PYCR3: variants seen among roughly 807,000 people sequenced by gnomAD.
The protein encoded by PYCR3 is pyrroline-5-carboxylate reductase 3, also known as P5C reductase 3.
Under a neutral mutation model 23.4 loss-of-function variants are expected in PYCR3, and 26 were observed. That is an observed-to-expected ratio of 1.11 (90% CI 0.81 to 1.54). The LOEUF is 1.54. Ranked by LOEUF, PYCR3 falls within the 40% of genes most tolerant of loss-of-function variation. PYCR3 has a pLI of 0.00. For missense variants in PYCR3, 360 were observed against 376.3 expected (o/e 0.96, Z 0.36); for synonymous variants, 194 against 162.6 (o/e 1.19, Z -1.47).
At chr8:143,606,404 G>T in intron 4 of PYCR3, 63 bp downstream of exon 4, 1 of 1,553,000 alleles carries the variant, frequency 6.4e-7, no homozygotes, top group Non-Finnish European at 8.9e-7. Flanking sequence ...GGCTGTCAGA[G>T]GGACTGGGGT....
At position 143,605,022 on chromosome 8, in the gene PYCR3, C is replaced by T. The variant is rs976397976; in HGVS notation, c.*678G>A. The T allele has an allele frequency of 4.4e-6, 2 of 450,146 alleles. No homozygotes were observed. Among genetic ancestry groups the T allele is most frequent in the Non-Finnish European group, 8.9e-6 (2 of 224,996 alleles). 27.9% of individuals were successfully genotyped at this position (450,146 alleles called of 1,614,324 possible). A position where few individuals can be genotyped will look rare whatever the true frequency, so the allele number is the denominator to read the frequency against. Reference sequence around the variant, plus strand: ...CCCAGACCTCAAGCCACCCCACCTACCACTGCCCACCTGGTGCCACCCCAG... The same window carrying T: ...CCCAGACCTCAAGCCACCCCACCTATCACTGCCCACCTGGTGCCACCCCAG... On this transcript the variant is annotated 3_prime_UTR_variant, in exon 6 of 6. Coordinates refer to ENST00000495276, the MANE Select transcript of PYCR3 (RefSeq NM_023078.6).
chr8:143,608,112 G>A lies in PYCR3; in HGVS notation c.106C>T (p.Gln36Ter). 2 of 1,613,748 alleles carry A rather than the reference G, an allele frequency of 1.2e-6. No homozygotes were observed. The highest frequency in any genetic ancestry group is 1.7e-6 in the Non-Finnish European group (2 of 1,179,740). Reference protein sequence around the residue: ...GLIRAGKVEAQHILASAPTDR... With the variant: ...GLIRAGKVEA The stretch of plus-strand genomic sequence containing the variant: ...GTTGGTGCACTGGCCAGTATGTGCT[G>A]AGCTTCCACTTTTCCTGGAAAGAAA... Residue 36 changes from glutamine (Q) to a stop codon, truncating the protein, a stop_gained, in exon 2 of 6, where the codon CAG becomes TAG. Coordinates refer to ENST00000495276, the MANE Select transcript of PYCR3 (RefSeq NM_023078.6). LOFTEE classifies it high-confidence loss of function.
intron 1 of PYCR3, among the ~76,000 whole-genome samples, chr8:143,609,092 C>A (rs376382468): frequency 6.6e-6 from 1 of 152,250 alleles, no homozygotes; most frequent in Non-Finnish European, 1.5e-5. Context: ...GGGGGTGCTG[C>A]TGGCACAGGA....
chr8:143,603,705 G>A lies in PYCR3; in HGVS notation c.*1995C>T, dbSNP rs1195140047. ...AGGCTCCCAGGCCTGCCCAGGCTTG[G>A]CATACAGTCCCCTGGGGTGACAGCG... is the stretch of plus-strand genomic sequence containing the variant. On this transcript the variant is annotated 3_prime_UTR_variant, in exon 6 of 6. Coordinates refer to ENST00000495276, the MANE Select transcript of PYCR3 (RefSeq NM_023078.6). 1.3e-5 allele frequency among the ~76,000 whole-genome samples: 2 copies of A among 152,192 alleles called. No homozygotes were observed. The highest frequency in any genetic ancestry group is 2.9e-5 in the Non-Finnish European group (2 of 68,020).
rs775581406 is a variant in PYCR3 at position 143,607,139 on chromosome 8, CA to C, written c.157-8del. ...TGGTCCGGCAACCCAGAGCCTGCGCCAGGGACACCAGGACCAAGCCTCAGGG... is the reference window on the plus strand; with the variant it reads ...TGGTCCGGCAACCCAGAGCCTGCGCCGGGACACCAGGACCAAGCCTCAGGG... On this transcript the variant is annotated splice_region_variant and splice_polypyrimidine_tract_variant and intron_variant, in intron 2 of 5. Transcript: ENST00000495276. 1 of 1,553,428 alleles carries C rather than the reference CA, an allele frequency of 6.4e-7. No individual in the cohort carries two copies. Among genetic ancestry groups the C allele is most frequent in the Non-Finnish European group, 8.7e-7 (1 of 1,147,652 alleles).
Position 143,606,833 on chromosome 8 carries a change from C to A in PYCR3, c.336+120G>T, listed in dbSNP as rs1050706149. 5.1e-6 allele frequency: 7 copies of A among 1,366,336 alleles called. No individual in the cohort carries two copies. In the African/African-American group the frequency reaches 8.7e-5, roughly 17 times the overall value. 84.6% of individuals were successfully genotyped at this position (1,366,336 alleles called of 1,614,324 possible). ...CACCAGGAGGGAACCCTAAATCCAG[C>A]CACTTGATCCAGGTGGGCCACACGG... On this transcript the variant is annotated intron_variant, in intron 3 of 5. Coordinates refer to ENST00000495276, the MANE Select transcript of PYCR3 (RefSeq NM_023078.6).
chr8:143,608,115 CT>C lies in PYCR3; in HGVS notation c.102del (p.Ala35LeufsTer73). The C allele has an allele frequency of 6.2e-7, 1 of 1,613,622 alleles. No individual in the cohort carries two copies. The highest frequency in any genetic ancestry group is 8.5e-7 in the Non-Finnish European group (1 of 1,179,644). On this transcript the variant is annotated frameshift_variant, in exon 2 of 6. Transcript: ENST00000495276. LOFTEE classifies it high-confidence loss of function. ...AQGLIRAGKV[E>X]AQHILASAPT... ...GGTGCACTGGCCAGTATGTGCTGAGCTTCCACTTTTCCTGGAAAGAAAGGAA... is the reference window on the plus strand; with the variant it reads ...GGTGCACTGGCCAGTATGTGCTGAGCTCCACTTTTCCTGGAAAGAAAGGAA...
chr8:143,606,600 G>A lies in PYCR3; in HGVS notation c.416C>T (p.Ala139Val), dbSNP rs778315490. 69 of 1,611,596 alleles carry A rather than the reference G, an allele frequency of 4.3e-5. No homozygotes were observed. Among genetic ancestry groups the A allele is most frequent in the East Asian group, 2.9e-4 (13 of 44,842 alleles). Reference sequence around the variant, plus strand: ...GCTGCTCCCCACGTGGCGGCCCCGCGCCATCACTATGGCCCCTTCCTGGAC... The same window carrying A: ...GCTGCTCCCCACGTGGCGGCCCCGCACCATCACTATGGCCCCTTCCTGGAC... ...CVVQEGAIVMARGRHVGSSET... is the reference protein window; with the variant it reads ...CVVQEGAIVMVRGRHVGSSET... Residue 139 changes from alanine to valine, a missense_variant, in exon 4 of 6, where the codon GCG becomes GTG. Transcript: ENST00000495276.
Position 143,604,550 on chromosome 8 carries a change from C to T in PYCR3, c.*1150G>A, listed in dbSNP as rs1025037156. 37 of 292,914 alleles carry T rather than the reference C, an allele frequency of 1.3e-4. No homozygotes were observed. The highest frequency in any genetic ancestry group is 2.3e-4 in the Non-Finnish European group (34 of 150,904). The allele number at this position is 292,914 out of a possible 1,614,324, so 18.1% of individuals were successfully genotyped here. A position where few individuals can be genotyped will look rare whatever the true frequency, so the allele number is the denominator to read the frequency against. ...CACAGCAGGACCCGCCGCCCAGCCT[C>T]GCTGAGGGCATGCTCCCGCCTCACC... On this transcript the variant is annotated 3_prime_UTR_variant, in exon 6 of 6. Coordinates refer to ENST00000495276, the MANE Select transcript of PYCR3 (RefSeq NM_023078.6).
Position 143,606,569 on chromosome 8 carries a change from G to A in PYCR3, c.447C>T (p.Thr149=), listed in dbSNP as rs267601814. Residue 149 remains threonine, a synonymous_variant, in exon 4 of 6, where the codon ACC becomes ACT. Coordinates refer to ENST00000495276, the MANE Select transcript of PYCR3 (RefSeq NM_023078.6). ...ARGRHVGSSE[T]KLLQHLLEAC... ...CCTCCAGCAGATGCTGCAGGAGCTT[G>A]GTCTCGCTGCTCCCCACGTGGCGGC... 1.2e-6 allele frequency: 2 copies of A among 1,612,744 alleles called. No individual in the cohort carries two copies. The highest frequency in any genetic ancestry group is 1.3e-5 in the African/African-American group (1 of 74,934).
chr8:143,609,575 C>A lies in PYCR3; in HGVS notation c.-27G>T. ...TTGTTGCCTCGGACGCCGCTGCGCT[C>A]ACCGCCCATCCACAGGCCGCGCCCC... On this transcript the variant is annotated 5_prime_UTR_variant, in exon 1 of 6. Transcript: ENST00000495276. The A allele has an allele frequency of 6.8e-7, 1 of 1,469,906 alleles. No individual in the cohort carries two copies. 91.1% of individuals were successfully genotyped at this position (1,469,906 alleles called of 1,614,324 possible). A position where few individuals can be genotyped will look rare whatever the true frequency, so the allele number is the denominator to read the frequency against.
chr8:143,605,612 G>A lies in PYCR3; in HGVS notation c.*88C>T, dbSNP rs1167491620. ...AGAAGGAGCAGTAGGAGACCCTCAT[G>A]CAGGAGGGAGGGAGCCGCAGTCCTC... On this transcript the variant is annotated 3_prime_UTR_variant, in exon 6 of 6. Transcript: ENST00000495276. 5.0e-6 allele frequency: 6 copies of A among 1,209,410 alleles called. No individual in the cohort carries two copies. The highest frequency in any genetic ancestry group is 1.5e-5 in the African/African-American group (1 of 65,698). 74.9% of individuals were successfully genotyped at this position (1,209,410 alleles called of 1,614,324 possible).
chr8:143,606,684 C>A lies in PYCR3; in HGVS notation c.337-5G>T. 1 of 1,578,848 alleles carries A rather than the reference C, an allele frequency of 6.3e-7. No individual in the cohort carries two copies. Among genetic ancestry groups the A allele is most frequent in the Non-Finnish European group, 8.6e-7 (1 of 1,164,362 alleles). On this transcript the variant is annotated splice_region_variant and splice_polypyrimidine_tract_variant and intron_variant, in intron 3 of 5. Coordinates refer to ENST00000495276, the MANE Select transcript of PYCR3 (RefSeq NM_023078.6). ...CCGTGTGTTTGGGGGCAGCAGCTGG[C>A]CAGAGAGAGGTCAGAATCAGGGAGT...
Position 143,605,183 on chromosome 8 carries a change from C to G in PYCR3, c.*517G>C. The G allele has an allele frequency of 3.0e-6, 1 of 338,864 alleles. No homozygotes were observed. Among genetic ancestry groups the G allele is most frequent in the East Asian group, 8.6e-5 (1 of 11,590 alleles). 21.0% of individuals were successfully genotyped at this position (338,864 alleles called of 1,614,324 possible). ...GGCCCCATCAGGCCAGGGCCCCTGG[C>G]TTTACTGCAGGGGAGAGGGTCTCTT... On this transcript the variant is annotated 3_prime_UTR_variant, in exon 6 of 6. Transcript: ENST00000495276.
chr8:143,609,038 G>A (rs907867051), intron 1 of PYCR3, among the ~76,000 whole-genome samples: 1 of 152,244 alleles, frequency 6.6e-6, no homozygotes, highest in Non-Finnish European at 1.5e-5. Context: ...CCCACCCAGG[G>A]GACATTCGGC....
chr8:143,607,698 T>G (rs963796161), intron 2 of PYCR3, among the ~76,000 whole-genome samples: 2 of 151,894 alleles, frequency 1.3e-5, no homozygotes, highest in Admixed American at 1.3e-4. Flanking sequence ...ACACATGCAC[T>G]GACATACATG....
rs1236564000 is a variant in PYCR3 at position 143,606,073 on chromosome 8, G to C, written c.631C>G (p.Gln211Glu). ...CCACCCTCACTCACCAGCAGGGTCT[G>C]GGCAGCGATGCGGTGGGCCAGGCTG... is the stretch of plus-strand genomic sequence containing the variant. ...PSSLAHRIAA[Q>E]TLLGTAKMLL... The change falls in exon 5 of 6, where the codon CAG (glutamine) becomes GAG (glutamate). Residue 211 changes from glutamine (Q) to glutamate (E), a missense_variant. Gln to Glu is a conservative substitution (Grantham distance 29). Transcript: ENST00000495276. The C allele has an allele frequency of 6.2e-7, 1 of 1,608,800 alleles. No homozygotes were observed. The highest frequency in any genetic ancestry group is 8.5e-7 in the Non-Finnish European group (1 of 1,178,164).
chr8:143,608,410 G>A, intron 1 of PYCR3: 1 of 476,594 alleles, frequency 2.1e-6, no homozygotes, highest in South Asian at 2.4e-5. Flanking sequence ...CTGCCTCCAG[G>A]GAAGGGAAGG....
Position 143,609,511 on chromosome 8 carries a change from A to C in PYCR3, c.38T>G (p.Phe13Cys). Residue 13 changes from phenylalanine to cysteine, a missense_variant, in exon 1 of 6, where the codon TTC becomes TGC. Phe to Cys is a radical substitution (Grantham distance 205, BLOSUM62 -2). Coordinates refer to ENST00000495276, the MANE Select transcript of PYCR3 (RefSeq NM_023078.6). Reference protein sequence around the residue: ...AAEPSPRRVGFVGAGRMAGAI... With the variant: ...AAEPSPRRVGCVGAGRMAGAI... ...CCCCGCCATGCGGCCCGCGCCCACGAAGCCCACGCGCCGCGGAGACGGCTC... is the reference window on the plus strand; with the variant it reads ...CCCCGCCATGCGGCCCGCGCCCACGCAGCCCACGCGCCGCGGAGACGGCTC... 6.6e-7 allele frequency: 1 copy of C among 1,517,186 alleles called. No individual in the cohort carries two copies. Among genetic ancestry groups the C allele is most frequent in the Non-Finnish European group, 8.8e-7 (1 of 1,140,340 alleles). 94.0% of individuals were successfully genotyped at this position (1,517,186 alleles called of 1,614,324 possible).
Sources: gnomAD v4.1 joint callset for allele counts (sites outside exome capture counted in the v4.1 genomes callset) on GRCh38, gnomAD v4.1.1 for gene constraint, MANE v1.5 for transcripts, NCBI Gene and HGNC (gene_info 2026-07-23, HGNC 2026-07-21) for gene names.